LGALS2: variants seen among roughly 807,000 people sequenced by gnomAD.
The protein encoded by LGALS2 is galectin-2.
LGALS2 carries 7 observed loss-of-function variants against 10.1 expected under a neutral mutation model. The ratio of observed to expected loss-of-function variants is 0.70; its 90% CI spans 0.40 to 1.31. LGALS2 has a LOEUF of 1.31. Ranked by LOEUF, LGALS2 falls within the 50% of genes most tolerant of loss-of-function variation. The pLI is 0.01. For missense variants in LGALS2, 167 were observed against 163.6 expected, an observed-to-expected ratio of 1.02 and a Z score of -0.11; for synonymous variants, 86 against 64.2, an observed-to-expected ratio of 1.34 and a Z score of -1.63.
In LGALS2 at chr22:37,570,277, T is replaced by C; in HGVS notation, c.385A>G (p.Lys129Glu). ...VRGGFNMSSF[K>E]LKE is the part of the protein sequence containing the mutation. ...CTGGAAGTCTTTTATTCTTTTAACT[T>C]GAAAGAGGACATGTTGAACCCGCCC... Residue 129 changes from lysine to glutamate, a missense_variant, in exon 4 of 4, where the codon AAG becomes GAG. By Grantham distance (56) the Lys-to-Glu change is moderately conservative. Coordinates refer to ENST00000215886, the MANE Select transcript of LGALS2 (RefSeq NM_006498.3). 1 of 1,605,912 alleles carries C rather than the reference T, an allele frequency of 6.2e-7. No homozygotes were observed. The highest frequency in any genetic ancestry group is 1.1e-5 in the South Asian group (1 of 90,864).
At chr22:37,578,793 A>G (rs957065467) in intron 1 of LGALS2, 1 of 152,032 alleles carries the variant, frequency 6.6e-6, no homozygotes, top group Admixed American at 6.6e-5. Flanking sequence ...CTACTTTAAA[A>G]ATACAAAAAT....
chr22:37,573,481 G>A (rs1484729534), intron 1 of LGALS2, among the ~76,000 whole-genome samples: 1 of 152,092 alleles, frequency 6.6e-6, no homozygotes, highest in Non-Finnish European at 1.5e-5. Flanking sequence ...AGGGTCACTT[G>A]AGCCCAGGAG....
At chr22:37,573,311 TAA>T (rs1925560818) in intron 1 of LGALS2, among the ~76,000 whole-genome samples, 1 of 152,090 alleles carries the variant, frequency 6.6e-6, no homozygotes, top group Non-Finnish European at 1.5e-5. Flanking sequence ...TAAGAATCTA[TAA>T]AACTCCGCAA....
chr22:37,571,589 G>A (rs1193453478), intron 2 of LGALS2, among the ~76,000 whole-genome samples: 1 of 152,326 alleles, frequency 6.6e-6, no homozygotes, highest in Admixed American at 6.5e-5. Flanking sequence ...AGTTCCAGGG[G>A]CTTCTCCACC....
At chr22:37,579,297 T>G (rs527595454) in intron 1 of LGALS2, among the ~76,000 whole-genome samples, 2 of 144,786 alleles carry the variant, frequency 1.4e-5, no homozygotes, top group African/African-American at 2.6e-5. Flanking sequence ...AATTAGCCAG[T>G]GTGGTAGTGA....
At chr22:37,575,643 T>G (rs1369126496) in intron 1 of LGALS2, among the ~76,000 whole-genome samples, 1 of 150,376 alleles carries the variant, frequency 6.6e-6, no homozygotes, top group East Asian at 2.0e-4. Flanking sequence ...TTTTTTCAGA[T>G]GGGGTCTCAC....
chr22:37,573,647 T>C (rs151218344), intron 1 of LGALS2, among the ~76,000 whole-genome samples: 1,825 of 152,290 alleles, frequency 0.012, 17 homozygotes, highest in Non-Finnish European at 0.019. Context: ...GTTTGTGAAA[T>C]CCCATGCACA....
chr22:37,571,971 A>G (rs776061831), intron 1 of LGALS2, 40 bp from the exon 2 acceptor site: 1 of 1,534,540 alleles, frequency 6.5e-7, no homozygotes, highest in Non-Finnish European at 9.0e-7. Context: ...GTCCCCACAG[A>G]AAATCAATCC....
At chr22:37,579,762 C>T in intron 1 of LGALS2, 138 bp downstream of exon 1, 3 of 874,818 alleles carry the variant, frequency 3.4e-6, no homozygotes, top group Non-Finnish European at 5.2e-6. Context: ...AAAAAGACCT[C>T]TGTCCAACTT....
intron 1 of LGALS2, among the ~76,000 whole-genome samples, chr22:37,572,289 T>C (rs73418197): frequency 0.11 from 16,764 of 152,072 alleles, 2,420 homozygotes; most frequent in African/African-American, 0.34. Flanking sequence ...GAAACAAAAA[T>C]ATGATATGGA....
chr22:37,573,548 G>C (rs1447641372), intron 1 of LGALS2, among the ~76,000 whole-genome samples: 5 of 151,996 alleles, frequency 3.3e-5, no homozygotes, highest in Non-Finnish European at 7.4e-5. Context: ...TGTTGTTGTT[G>C]TTGCTGAATG....
At position 37,572,275 on chromosome 22, in the gene LGALS2, C is replaced by A. The variant is rs538336158; in HGVS notation, c.7-344G>T. 5.9e-5 allele frequency among the ~76,000 whole-genome samples: 9 copies of A among 152,322 alleles called. No individual in the cohort carries two copies. The South Asian group carries it at 1.7e-3, about 28-fold the overall frequency. ...GAAATCACGCTGCCCTCAGCAGAACCCCAGAAACAAAAATATGATATGGAA... is the reference window on the plus strand; with the variant it reads ...GAAATCACGCTGCCCTCAGCAGAACACCAGAAACAAAAATATGATATGGAA... On this transcript the variant is annotated intron_variant, in intron 1 of 3. Coordinates refer to ENST00000215886, the MANE Select transcript of LGALS2 (RefSeq NM_006498.3).
At chr22:37,571,956 C>T in intron 1 of LGALS2, 25 bp from the exon 2 acceptor site, 1 of 1,586,784 alleles carries the variant, frequency 6.3e-7, no homozygotes, top group Non-Finnish European at 8.7e-7. Flanking sequence ...AAACATTCCA[C>T]TCGAGTCCCC....
At chr22:37,573,234 G>A (rs1174131363) in intron 1 of LGALS2, among the ~76,000 whole-genome samples, 3 of 152,168 alleles carry the variant, frequency 2.0e-5, no homozygotes, top group African/African-American at 7.2e-5. Context: ...TCACGCCACT[G>A]CACTCCAGCC....
chr22:37,573,813 C>T (rs1925578137), intron 1 of LGALS2, among the ~76,000 whole-genome samples: 1 of 151,970 alleles, frequency 6.6e-6, no homozygotes, highest in African/African-American at 2.4e-5. Context: ...TCACTGCAAC[C>T]TCCACCTCTC....
In LGALS2 at chr22:37,571,859, C is replaced by T; in HGVS notation, c.79G>A (p.Gly27Ser). 1 of 1,614,044 alleles carries T rather than the reference C, an allele frequency of 6.2e-7. No homozygotes were observed. The highest frequency in any genetic ancestry group is 8.5e-7 in the Non-Finnish European group (1 of 1,179,882). Reference protein sequence around the residue: ...TLKITGSIADGTDGFVINLGQ... With the variant: ...TLKITGSIADSTDGFVINLGQ... Reference sequence around the variant, plus strand: ...TGAAACCTTGCTCACCCATCAGTGCCATCGGCGATGCTGCCTGTGATCTTC... The same window carrying T: ...TGAAACCTTGCTCACCCATCAGTGCTATCGGCGATGCTGCCTGTGATCTTC... Residue 27 changes from glycine (G) to serine (S), a missense_variant, in exon 2 of 4, where the codon GGC (glycine) becomes AGC (serine). Physicochemically the swap from Gly to Ser is moderately conservative, Grantham distance 56 (BLOSUM62 0). Transcript: ENST00000215886.
chr22:37,577,452 C>T (rs1051931795), intron 1 of LGALS2, among the ~76,000 whole-genome samples: 3 of 151,738 alleles, frequency 2.0e-5, no homozygotes, highest in Admixed American at 1.3e-4. Flanking sequence ...CGGGTTCAAC[C>T]GATTCTCCTG....
At chr22:37,579,866 A>G in intron 1 of LGALS2, 34 bp downstream of exon 1, 1 of 1,603,696 alleles carries the variant, frequency 6.2e-7, no homozygotes. Context: ...AGATGAACAG[A>G]GTGGGGCAGG....
chr22:37,571,818 C>A, intron 2 of LGALS2, 31 bp downstream of exon 2: 1 of 1,592,150 alleles, frequency 6.3e-7, no homozygotes, highest in South Asian at 1.1e-5. Context: ...TCCGGGCCTG[C>A]AGACTCCCCC....
Sources: gnomAD v4.1 joint callset for allele counts (sites outside exome capture counted in the v4.1 genomes callset) on GRCh38, gnomAD v4.1.1 for gene constraint, MANE v1.5 for transcripts, NCBI Gene and HGNC (gene_info 2026-07-23, HGNC 2026-07-21) for gene names.